The following CAST variants were observed in gnomAD, a reference collection of about 807,000 sequenced individuals.
CAST encodes the protein calpastatin, also known as MIR583 host.
In CAST, 76 loss-of-function variants were observed where a neutral mutation model predicts 119.6. That is an observed-to-expected ratio of 0.64 (90% confidence interval 0.53 to 0.77). The LOEUF (loss-of-function observed/expected upper bound fraction) is 0.77, where lower values mean the gene tolerates loss of function less well. Among genes scored for constraint, CAST ranks in the 30% least tolerant of loss-of-function variants. CAST has a pLI of 0.00. For missense variants in CAST, 953 were observed against 946.5 expected (o/e 1.01, Z -0.09); for synonymous variants, 319 against 331.6 (o/e 0.96, Z 0.41).
At chr5:96,390,624 C>A in the CAST span, 1 of 152,508 alleles carries the variant, frequency 6.6e-6, no homozygotes, top group African/African-American at 2.4e-5. Flanking sequence ...CTCAGGAAAA[C>A]TTTTGGTTCT....
At chr5:96,702,270 CTATT>C (rs1213037997) in intron 3 of CAST, among the ~76,000 whole-genome samples, 6 of 152,184 alleles carry the variant, frequency 3.9e-5, no homozygotes, top group East Asian at 1.9e-4. Context: ...CTTAACCCCT[CTATT>C]TATTCATTCA....
the CAST span, among the ~76,000 whole-genome samples, chr5:96,252,344 A>G: frequency 6.6e-6 from 1 of 152,144 alleles, no homozygotes; most frequent in Non-Finnish European, 1.5e-5. Flanking sequence ...TTTAATGAAT[A>G]GTATTCATTC....
At chr5:96,112,962 T>C in the CAST span, among the ~76,000 whole-genome samples, 31 of 152,320 alleles carry the variant, frequency 2.0e-4, no homozygotes, top group African/African-American at 6.5e-4. Flanking sequence ...TTGTGCACCA[T>C]AGTCAAGTTA....
chr5:96,054,148 T>C, the CAST span, among the ~76,000 whole-genome samples: 1 of 152,220 alleles, frequency 6.6e-6, no homozygotes, highest in East Asian at 1.9e-4. Context: ...TGTTACTATT[T>C]TAACTTGTAG....
intron 22 of CAST, among the ~76,000 whole-genome samples, chr5:96,755,701 T>G (rs1766154510): frequency 6.6e-6 from 1 of 152,374 alleles, no homozygotes; most frequent in East Asian, 1.9e-4. Flanking sequence ...CTAGCCCATT[T>G]ATTTAGCAGA....
the CAST span, among the ~76,000 whole-genome samples, chr5:96,270,299 A>T: frequency 6.6e-6 from 1 of 152,194 alleles, no homozygotes; most frequent in Non-Finnish European, 1.5e-5. Context: ...TAAATGGGAA[A>T]CAATTGAAAG....
chr5:96,442,531 C>T, the CAST span, among the ~76,000 whole-genome samples: 14 of 152,334 alleles, frequency 9.2e-5, no homozygotes, highest in South Asian at 2.1e-4. Context: ...TTGGAAACTA[C>T]GTGAGTTAAA....
chr5:96,030,788 G>A, the CAST span, among the ~76,000 whole-genome samples: 2 of 152,120 alleles, frequency 1.3e-5, no homozygotes, highest in Non-Finnish European at 2.9e-5. Context: ...GCTCATGCCT[G>A]TAATCCTAGC....
At chr5:96,700,924 G>A (rs1753801283) in intron 3 of CAST, among the ~76,000 whole-genome samples, 2 of 151,374 alleles carry the variant, frequency 1.3e-5, no homozygotes, top group Middle Eastern at 3.4e-3. Context: ...AGAATCTTGC[G>A]AAAAAAATTT....
In CAST at chr5:96,746,425, G is replaced by A. The variant is rs141221172; in HGVS notation, c.1284G>A (p.Thr428=). 701 of 1,587,686 alleles carry A rather than the reference G, an allele frequency of 4.4e-4. No homozygotes were observed. The highest frequency in any genetic ancestry group is 5.8e-4 in the Non-Finnish European group (670 of 1,156,090). ...CTGAGTACAGATTAAAACCAGCCAC[G>A]GTAAATTTTTAGCCACAGTGCATGA... The part of the protein sequence containing the change: ...IPSEYRLKPA[T]DKDGKPLLPE... Residue 428 remains threonine, a splice_region_variant and synonymous_variant, in exon 17 of 32, where the codon ACG becomes ACA. Transcript: ENST00000675179.
At chr5:96,459,589 G>A in the CAST span, among the ~76,000 whole-genome samples, 4 of 152,172 alleles carry the variant, frequency 2.6e-5, no homozygotes, top group African/African-American at 9.7e-5. Flanking sequence ...TAATTCAACA[G>A]AGGACCAGAG....
chr5:96,238,282 G>C, the CAST span, among the ~76,000 whole-genome samples: 2 of 116,256 alleles, frequency 1.7e-5, no homozygotes, highest in Non-Finnish European at 3.8e-5. Flanking sequence ...ATATTTTAAT[G>C]TCAGAAAATG....
At chr5:96,137,318 T>C in the CAST span, among the ~76,000 whole-genome samples, 2 of 152,306 alleles carry the variant, frequency 1.3e-5, no homozygotes, top group African/African-American at 4.8e-5. Context: ...ATAAGATTAA[T>C]ACATGTCTTT....
chr5:96,239,936 T>A, the CAST span, among the ~76,000 whole-genome samples: 1 of 152,252 alleles, frequency 6.6e-6, no homozygotes, highest in East Asian at 1.9e-4. Flanking sequence ...TGCTGCCTTT[T>A]ACCCAGGCAC....
rs144681366 is a variant in CAST, at chr5:96,529,985, A to C, written c.60+105A>C. 4.7e-4 allele frequency: 122 copies of C among 260,094 alleles called. 2 individuals are homozygous for C. The East Asian group carries it at 0.011, about 22-fold the overall frequency. 16.1% of individuals were successfully genotyped at this position (260,094 alleles called of 1,614,324 possible). ...ACAGCCATTCTATATATATTTGGTGAGTTCTTCCTATGTGTCCAGCACCAC... is the reference window on the plus strand; with the variant it reads ...ACAGCCATTCTATATATATTTGGTGCGTTCTTCCTATGTGTCCAGCACCAC... On this transcript the variant is annotated intron_variant, in intron 1 of 11. Coordinates refer to the CAST transcript ENST00000505143.
At chr5:96,081,904 C>A in the CAST span, among the ~76,000 whole-genome samples, 1 of 152,086 alleles carries the variant, frequency 6.6e-6, no homozygotes, top group Non-Finnish European at 1.5e-5. Context: ...AGGAAAGGCA[C>A]AAAGTCTTTA....
At chr5:96,119,876 G>A in the CAST span, among the ~76,000 whole-genome samples, 42 of 152,200 alleles carry the variant, frequency 2.8e-4, no homozygotes, top group South Asian at 6.2e-4. Flanking sequence ...TTGTGTGACC[G>A]CTCAGCAGCA....
At chr5:96,191,592 G>A in the CAST span, among the ~76,000 whole-genome samples, 1 of 152,186 alleles carries the variant, frequency 6.6e-6, no homozygotes, top group Non-Finnish European at 1.5e-5. Flanking sequence ...ATATAATAAA[G>A]ATGGAGTATC....
chr5:96,291,432 C>G, the CAST span, among the ~76,000 whole-genome samples: 1 of 152,162 alleles, frequency 6.6e-6, no homozygotes, highest in Non-Finnish European at 1.5e-5. Context: ...GTTTCATGGT[C>G]CTCCATTCTA....
Sources: allele counts gnomAD v4.1 joint callset (sites outside exome capture counted in the v4.1 genomes callset), GRCh38; gene constraint gnomAD v4.1.1; transcripts MANE v1.5; gene names NCBI Gene and HGNC (gene_info 2026-07-23, HGNC 2026-07-21).